The following NACC1 variants were observed in gnomAD, a reference collection of about 807,000 sequenced individuals.
NACC1 encodes nucleus accumbens-associated protein 1.
NACC1 carries 6 observed loss-of-function variants against 41.7 expected under a neutral mutation model. The observed-to-expected ratio is 0.14, with a 90% confidence interval of 0.08 to 0.28. The LOEUF is 0.28. Among genes scored for constraint, NACC1 ranks in the 10% least tolerant of loss-of-function variants. NACC1 has a pLI of 1.00. For synonymous variants in NACC1, 338 were observed against 330.6 expected (o/e 1.02, Z -0.24); for missense variants, 434 against 763.7 (o/e 0.57, Z 5.09).
In NACC1 at chr19:13,136,837, G is replaced by A. The variant is rs954779941; in HGVS notation, c.1120+432G>A. ...GTGGCCACTGCACTCCAGCCTGGGT[G>A]ACAGAGTGAGACTTCATCTCTTAAA... On this transcript the variant is annotated intron_variant, in intron 3 of 5. Transcript: ENST00000292431. The surrounding 1 kb of genome is among the most constrained non-coding windows in gnomAD (Gnocchi z 5.5). Among the ~76,000 whole-genome samples, 1 of 152,128 alleles carries A rather than the reference G, an allele frequency of 6.6e-6. No homozygotes were observed. Among genetic ancestry groups the A allele is most frequent in the Non-Finnish European group, 1.5e-5 (1 of 68,008 alleles).
intron 1 of NACC1, among the ~76,000 whole-genome samples, chr19:13,119,624 T>G (rs75383940): frequency 0.018 from 2,706 of 152,312 alleles, 38 homozygotes; most frequent in Non-Finnish European, 0.027. Flanking sequence ...TCCTTGAGCC[T>G]GAGTTCTGTG....
intron 1 of NACC1, among the ~76,000 whole-genome samples, chr19:13,128,902 C>T (rs1232827451): frequency 6.6e-6 from 1 of 152,216 alleles, no homozygotes; most frequent in Non-Finnish European, 1.5e-5. Context: ...CCAGGAAGGT[C>T]CCAGCTGCCC....
At chr19:13,128,160 G>A (rs1332117230) in intron 1 of NACC1, among the ~76,000 whole-genome samples, 1 of 152,176 alleles carries the variant, frequency 6.6e-6, no homozygotes, top group African/African-American at 2.4e-5. Flanking sequence ...TGGGGTGTGT[G>A]CGAGTCTGGC....
intron 1 of NACC1, among the ~76,000 whole-genome samples, chr19:13,130,837 G>T (rs1303433986): frequency 6.6e-6 from 1 of 152,070 alleles, no homozygotes; most frequent in African/African-American, 2.4e-5. Flanking sequence ...CGCCTGGCCT[G>T]TACATATAAC....
intron 1 of NACC1, among the ~76,000 whole-genome samples, chr19:13,128,500 G>T (rs2019593190): frequency 6.6e-6 from 1 of 152,202 alleles, no homozygotes; most frequent in Non-Finnish European, 1.5e-5. Context: ...GTTTCAATCT[G>T]TGAATTTGGA....
At chr19:13,130,646 G>A (rs1213194065) in intron 1 of NACC1, among the ~76,000 whole-genome samples, 4 of 147,976 alleles carry the variant, frequency 2.7e-5, no homozygotes, top group African/African-American at 7.5e-5. Context: ...AGTGATTCTC[G>A]TGCCTCAGCC....
At chr19:13,128,768 A>C (rs1393659504) in intron 1 of NACC1, among the ~76,000 whole-genome samples, 1 of 152,244 alleles carries the variant, frequency 6.6e-6, no homozygotes, top group Non-Finnish European at 1.5e-5. Context: ...TGGCCTGCCC[A>C]GGCAGGGACC....
chr19:13,129,937 T>C (rs2145618447), intron 1 of NACC1, among the ~76,000 whole-genome samples: 1 of 151,496 alleles, frequency 6.6e-6, no homozygotes, highest in East Asian at 1.9e-4. Context: ...AAATTACCTG[T>C]GGCCGGTGCT....
intron 1 of NACC1, among the ~76,000 whole-genome samples, chr19:13,127,083 T>C (rs1411740204): frequency 2.0e-5 from 3 of 151,342 alleles, no homozygotes; most frequent in East Asian, 3.9e-4. Context: ...TACTAAAAAA[T>C]GCACAAATAA....
intron 1 of NACC1, among the ~76,000 whole-genome samples, chr19:13,129,095 T>C (rs565344838): frequency 2.3e-4 from 35 of 152,310 alleles, no homozygotes; most frequent in Admixed American, 3.9e-4. Context: ...ACATCTTCTC[T>C]AGCCTGGAGA....
In NACC1 at chr19:13,136,961, T is replaced by G. The variant is rs2019715811; in HGVS notation, c.1121-310T>G. On this transcript the variant is annotated intron_variant, in intron 3 of 5. Transcript: ENST00000292431. This position sits in a 1 kb window ranked among gnomAD's most constrained non-coding sequence, Gnocchi z 5.5. ...TGCTGAGCTTGGGCTCATCTCTAGC[T>G]GGTGACAGCCAGCGTGCCCACCTCA... Among the ~76,000 whole-genome samples, 1 of 152,230 alleles carries G rather than the reference T, an allele frequency of 6.6e-6. No individual in the cohort carries two copies. Among genetic ancestry groups the G allele is most frequent in the Non-Finnish European group, 1.5e-5 (1 of 68,032 alleles).
At chr19:13,122,895 C>CG (rs1470981549) in intron 1 of NACC1, among the ~76,000 whole-genome samples, 3 of 152,070 alleles carry the variant, frequency 2.0e-5, no homozygotes, top group African/African-American at 7.3e-5. Flanking sequence ...GCACCGACTA[C>CG]GGGGCGAGCG....
chr19:13,135,243 C>T lies in NACC1; in HGVS notation c.36C>T (p.Phe12=), dbSNP rs766499698. The part of the protein sequence containing the change: ...AQTLQMEIPN[F]GNSILECLNE... ...CACTGCAGATGGAGATCCCGAACTT[C>T]GGCAACAGCATCCTGGAGTGCCTCA... The change falls in exon 2 of 6, where the codon TTC becomes TTT. Residue 12 remains phenylalanine (F), a synonymous_variant. Coordinates refer to ENST00000292431, the MANE Select transcript of NACC1 (RefSeq NM_052876.4). 31 of 1,611,608 alleles carry T rather than the reference C, an allele frequency of 1.9e-5. No homozygotes were observed. Among genetic ancestry groups the T allele is most frequent in the South Asian group, 4.4e-5 (4 of 90,824 alleles).
At chr19:13,133,841 A>T (rs745903304) in intron 1 of NACC1, among the ~76,000 whole-genome samples, 1 of 152,132 alleles carries the variant, frequency 6.6e-6, no homozygotes, top group Non-Finnish European at 1.5e-5. Context: ...CCGTTTGAGG[A>T]ACCGTCAGAC....
intron 1 of NACC1, among the ~76,000 whole-genome samples, chr19:13,127,370 A>ATTT (rs1491187460): frequency 1.1e-4 from 5 of 44,814 alleles, no homozygotes; most frequent in African/African-American, 5.7e-4. Context: ...ATATACATAT[A>ATTT]CTTTTTTTTT....
rs769523098 is a variant in NACC1 at position 13,136,192 on chromosome 19, CT to C, written c.947-39del. On this transcript the variant is annotated intron_variant, in intron 2 of 5. Transcript: ENST00000292431. This position sits in a 1 kb window ranked among gnomAD's most constrained non-coding sequence, Gnocchi z 5.5. ...CTGTCCCCCATCCCACCAGCCACCC[CT>C]GCTCCTCCTGCCACTCGCGTGCCAC... 20 of 1,603,052 alleles carry C rather than the reference CT, an allele frequency of 1.2e-5. No homozygotes were observed. In the Admixed American group the frequency reaches 3.4e-4, roughly 27 times the overall value.
At chr19:13,132,674 G>T (rs1052268622) in intron 1 of NACC1, among the ~76,000 whole-genome samples, 1 of 152,172 alleles carries the variant, frequency 6.6e-6, no homozygotes, top group Non-Finnish European at 1.5e-5. Context: ...GGCAGGGCCT[G>T]TGTCTTGCTT....
intron 1 of NACC1, among the ~76,000 whole-genome samples, chr19:13,121,542 G>A (rs1273328370): frequency 6.6e-6 from 1 of 152,210 alleles, no homozygotes; most frequent in Non-Finnish European, 1.5e-5. Context: ...GTGAGTTTTG[G>A]TCAGCCTTAC....
rs1373648778 is a variant in NACC1 at position 13,135,834 on chromosome 19, G to A, written c.627G>A (p.Pro209=). Residue 209 remains proline (P), a synonymous_variant, in exon 2 of 6, where the codon CCG becomes CCA. Transcript: ENST00000292431. ...GSRKMAKFST[P]DLAANRPHQP... is the part of the protein sequence containing the mutation. ...GCAAGATGGCCAAGTTCTCCACGCCGGACCTGGCTGCCAACCGGCCTCACC... is the reference window on the plus strand; with the variant it reads ...GCAAGATGGCCAAGTTCTCCACGCCAGACCTGGCTGCCAACCGGCCTCACC... 13 of 1,552,980 alleles carry A rather than the reference G, an allele frequency of 8.4e-6. No individual in the cohort carries two copies. The African/African-American group carries it at 9.5e-5, about 11-fold the overall frequency.
Sources: gnomAD v4.1 joint callset for allele counts (sites outside exome capture counted in the v4.1 genomes callset) on GRCh38, gnomAD v4.1.1 for gene constraint, Gnocchi (gnomAD v3.1) non-coding constraint, MANE v1.5 for transcripts, NCBI Gene and HGNC (gene_info 2026-07-23, HGNC 2026-07-21) for gene names.